Variants in RAPGEF2 observed in about 807,000 individuals in gnomAD.
RAPGEF2 encodes PDZ domain containing guanine nucleotide exchange factor (GEF) 1.
A neutral mutation model predicts 186.7 loss-of-function variants in RAPGEF2; 54 were observed. The ratio of observed to expected loss-of-function variants is 0.29; its 90% CI spans 0.23 to 0.36. RAPGEF2 has a LOEUF of 0.36. Ranked by LOEUF, RAPGEF2 falls within the 10% of genes least tolerant of loss-of-function variation. The pLI, the probability that RAPGEF2 is intolerant of heterozygous loss-of-function variation, is 1.00. For missense variants in RAPGEF2, 1,532 were observed against 2,045.0 expected (o/e 0.75, Z 4.84); for synonymous variants, 712 against 705.9 (o/e 1.01, Z -0.14).
intron 3 of RAPGEF2, among the ~76,000 whole-genome samples, chr4:159,194,679 T>C (rs1001901033): frequency 2.7e-5 from 4 of 147,438 alleles, no homozygotes; most frequent in Non-Finnish European, 5.9e-5. Context: ...TCAAAGTTTT[T>C]GTCCTTTTTT....
chr4:159,205,933 C>CT (rs753271034), intron 3 of RAPGEF2, among the ~76,000 whole-genome samples: 10,470 of 145,694 alleles, frequency 0.072, 403 homozygotes, highest in African/African-American at 0.099. Context: ...TGGGCAGGAT[C>CT]TTTTTTTTTT....
intron 4 of RAPGEF2, among the ~76,000 whole-genome samples, chr4:159,227,565 C>A (rs897141797): frequency 6.6e-6 from 1 of 152,168 alleles, no homozygotes; most frequent in African/African-American, 2.4e-5. Flanking sequence ...TCAGCAGAGA[C>A]CTGTTTGTGC....
intron 4 of RAPGEF2, among the ~76,000 whole-genome samples, chr4:159,227,133 A>G (rs1016922461): frequency 2.6e-5 from 4 of 152,226 alleles, no homozygotes; most frequent in South Asian, 2.1e-4. Context: ...TTTTGATGCC[A>G]TTAACATAGA....
At chr4:159,178,337 T>C (rs1303469468) in intron 1 of RAPGEF2, among the ~76,000 whole-genome samples, 1 of 152,094 alleles carries the variant, frequency 6.6e-6, no homozygotes, top group African/African-American at 2.4e-5. Flanking sequence ...ATTAATCTGC[T>C]CTCAGTTCTC....
intron 7 of RAPGEF2, among the ~76,000 whole-genome samples, chr4:159,273,637 TC>T (rs1561188395): frequency 3.0e-5 from 2 of 66,948 alleles, no homozygotes; most frequent in Non-Finnish European, 3.1e-5. Flanking sequence ...TTTCTTTCTT[TC>T]TTTCTTTCTT....
At chr4:159,297,295 G>C (rs1579821331) in intron 7 of RAPGEF2, among the ~76,000 whole-genome samples, 1 of 152,312 alleles carries the variant, frequency 6.6e-6, no homozygotes, top group African/African-American at 2.4e-5. Context: ...ACTGTCCTCT[G>C]AGAGGCAGTG....
rs1732295856 is a variant in RAPGEF2, at chr4:159,358,033, C to T, written c.4958-81C>T. The T allele has an allele frequency of 2.2e-6, 3 of 1,351,660 alleles. No homozygotes were observed. In the South Asian group the frequency reaches 3.9e-5, roughly 18 times the overall value. 83.7% of individuals were successfully genotyped at this position (1,351,660 alleles called of 1,614,324 possible). ...ATAACTATGATAGTTTTATTTAGCA[C>T]ATCAGTGAATATATTCTCTATAGCA... On this transcript the variant is annotated intron_variant, in intron 29 of 29. Transcript: ENST00000691494.
chr4:159,286,345 G>T (rs1167218389), intron 7 of RAPGEF2, among the ~76,000 whole-genome samples: 2 of 152,010 alleles, frequency 1.3e-5, no homozygotes, highest in African/African-American at 4.8e-5. Flanking sequence ...CGTCTCACTT[G>T]TACCATTCCT....
chr4:159,254,727 G>A (rs573265457), intron 7 of RAPGEF2, among the ~76,000 whole-genome samples: 23 of 151,352 alleles, frequency 1.5e-4, no homozygotes, highest in Admixed American at 4.0e-4. Context: ...TCCCATCTCA[G>A]CGTCCCAAGT....
At chr4:159,241,520 TTA>T (rs2111477491) in intron 6 of RAPGEF2, among the ~76,000 whole-genome samples, 152 bp downstream of exon 6, 1 of 148,542 alleles carries the variant, frequency 6.7e-6, no homozygotes, top group African/African-American at 2.4e-5. Flanking sequence ...TTTTTATTTG[TTA>T]TATTAATAAA....
intron 7 of RAPGEF2, chr4:159,268,029 G>A (rs1670620033): frequency 3.4e-6 from 5 of 1,455,374 alleles, no homozygotes; most frequent in Non-Finnish European, 4.5e-6. Flanking sequence ...TTAAGCTGCA[G>A]CTTGGTTTTC....
At chr4:159,145,482 C>CAAAACATTGCCAAAACATTGCCA (rs1742855013) in intron 1 of RAPGEF2, among the ~76,000 whole-genome samples, 2 of 151,632 alleles carry the variant, frequency 1.3e-5, no homozygotes, top group Admixed American at 6.6e-5. Flanking sequence ...AAAACATTGC[C>CAAAACATTGCCAAAACATTGCCA]AAAACATTGC....
At chr4:159,281,753 CTG>C (rs2110895747) in intron 7 of RAPGEF2, among the ~76,000 whole-genome samples, 1 of 150,926 alleles carries the variant, frequency 6.6e-6, no homozygotes, top group East Asian at 2.0e-4. Flanking sequence ...ATTAAGTGCT[CTG>C]TGTGTGTTTG....
intron 7 of RAPGEF2, among the ~76,000 whole-genome samples, chr4:159,249,570 A>T (rs1755057229): frequency 6.6e-6 from 1 of 151,880 alleles, no homozygotes; most frequent in Non-Finnish European, 1.5e-5. Context: ...GAAAGAAAAT[A>T]TTTTAATTAT....
intron 3 of RAPGEF2, among the ~76,000 whole-genome samples, chr4:159,193,640 T>C (rs1748342774): frequency 6.6e-6 from 1 of 152,208 alleles, no homozygotes; most frequent in Non-Finnish European, 1.5e-5. Flanking sequence ...TATAGTTCTT[T>C]CAGAAACAGG....
intron 7 of RAPGEF2, among the ~76,000 whole-genome samples, chr4:159,270,148 A>G (rs1361816438): frequency 1.3e-5 from 2 of 152,246 alleles, no homozygotes; most frequent in Non-Finnish European, 2.9e-5. Flanking sequence ...AGAATTTGCC[A>G]TCTCAAGATG....
rs1579392591 is a variant in RAPGEF2, at chr4:159,181,756, C to T, written c.70-4886C>T. 2.6e-5 allele frequency among the ~76,000 whole-genome samples: 4 copies of T among 152,106 alleles called. No homozygotes were observed. The South Asian group carries it at 8.3e-4, about 32-fold the overall frequency. ...TTCACCATGTTGGCCAGGGTGGTCT[C>T]GATCTCCTGACCTCAGGTCATCCAC... is the stretch of plus-strand genomic sequence containing the variant. On this transcript the variant is annotated intron_variant, in intron 1 of 29. Transcript: ENST00000691494.
At chr4:159,273,353 C>G (rs2110830510) in intron 7 of RAPGEF2, among the ~76,000 whole-genome samples, 1 of 152,234 alleles carries the variant, frequency 6.6e-6, no homozygotes. Context: ...AGAAACTTGC[C>G]AAGACATTGC....
chr4:159,125,266 T>C (rs1274903608), intron 1 of RAPGEF2, among the ~76,000 whole-genome samples: 1 of 152,238 alleles, frequency 6.6e-6, no homozygotes, highest in African/African-American at 2.4e-5. Flanking sequence ...ACTACTGTTT[T>C]ACCTTATTTA....
Sources: allele counts gnomAD v4.1 joint callset (sites outside exome capture counted in the v4.1 genomes callset), GRCh38; gene constraint gnomAD v4.1.1; transcripts MANE v1.5; gene names NCBI Gene and HGNC (gene_info 2026-07-23, HGNC 2026-07-21).